The following NEBL variants were observed in gnomAD, a reference collection of about 807,000 sequenced individuals.
The protein encoded by NEBL is nebulette, also known as LIM and SH3 protein 2.
In NEBL, 122 loss-of-function variants were observed where a neutral mutation model predicts 140.2. The ratio of observed to expected loss-of-function variants is 0.87; its 90% CI spans 0.75 to 1.01. NEBL has a LOEUF of 1.01. Ranked by LOEUF, NEBL falls within the 50% of genes least tolerant of loss-of-function variation. NEBL has a pLI of 0.00. For synonymous variants in NEBL, 436 were observed against 398.9 expected, an observed-to-expected ratio of 1.09 and a Z score of -1.11; for missense variants, 1,365 against 1,231.3, an observed-to-expected ratio of 1.11 and a Z score of -1.62.
chr10:20,851,813 T>C (rs1842565394), intron 10 of NEBL, among the ~76,000 whole-genome samples: 1 of 152,064 alleles, frequency 6.6e-6, no homozygotes. Context: ...ATAAATGAAA[T>C]GAAAATAAGT....
chr10:20,889,501 T>C (rs186719274), intron 3 of NEBL, among the ~76,000 whole-genome samples: 101 of 152,314 alleles, frequency 6.6e-4, no homozygotes, highest in African/African-American at 2.3e-3. Flanking sequence ...CTGATATATC[T>C]ATTAGGAAAC....
At chr10:21,102,153 CTG>C (rs1837508195) in intron 2 of NEBL, among the ~76,000 whole-genome samples, 1 of 152,236 alleles carries the variant, frequency 6.6e-6, no homozygotes, top group African/African-American at 2.4e-5. Flanking sequence ...TCTACCACAA[CTG>C]TTAATAAGCT....
chr10:21,033,726 C>T (rs560548345), intron 2 of NEBL, among the ~76,000 whole-genome samples: 4 of 133,606 alleles, frequency 3.0e-5, no homozygotes, highest in Non-Finnish European at 6.2e-5. Context: ...GCAACAAGAG[C>T]GAGACTTTGT....
intron 3 of NEBL, among the ~76,000 whole-genome samples, chr10:21,184,845 T>A (rs138903046): frequency 5.2e-4 from 80 of 152,388 alleles, no homozygotes; most frequent in Non-Finnish European, 9.8e-4. Context: ...TATAACTGAA[T>A]GTGTATAGAA....
At chr10:21,151,055 G>A (rs981120755) in intron 2 of NEBL, among the ~76,000 whole-genome samples, 3 of 152,170 alleles carry the variant, frequency 2.0e-5, no homozygotes, top group African/African-American at 4.8e-5. Flanking sequence ...AGGCAGAGAC[G>A]GGAAGGATGA....
chr10:20,862,699 G>C (rs1010152166), intron 7 of NEBL, among the ~76,000 whole-genome samples: 5 of 152,112 alleles, frequency 3.3e-5, no homozygotes, highest in African/African-American at 1.2e-4. Flanking sequence ...AAGATCATTT[G>C]AGAAAGGGAG....
chr10:20,994,901 G>T (rs1837607223), intron 3 of NEBL, among the ~76,000 whole-genome samples: 1 of 152,116 alleles, frequency 6.6e-6, no homozygotes, highest in African/African-American at 2.4e-5. Context: ...GGTTGGTCTT[G>T]CTGTCTCAGG....
chr10:21,255,710 A>C (rs1842649387), intron 1 of NEBL, among the ~76,000 whole-genome samples: 1 of 152,150 alleles, frequency 6.6e-6, no homozygotes, highest in Non-Finnish European at 1.5e-5. Context: ...AAAAGGATTC[A>C]TCTCCGGCTG....
chr10:20,819,253 T>C, intron 20 of NEBL, 171 bp downstream of exon 20: 1 of 1,145,416 alleles, frequency 8.7e-7, no homozygotes, highest in Non-Finnish European at 1.2e-6. Context: ...GTGTCTGTTA[T>C]TCCCCTCTAT....
At chr10:20,995,524 C>T (rs761925516) in intron 3 of NEBL, among the ~76,000 whole-genome samples, 2 of 152,126 alleles carry the variant, frequency 1.3e-5, no homozygotes, top group Non-Finnish European at 2.9e-5. Flanking sequence ...TGCAGCAGCA[C>T]CGCACGCTGA....
At chr10:20,955,313 G>A (rs1466259850) in intron 4 of NEBL, among the ~76,000 whole-genome samples, 1 of 152,252 alleles carries the variant, frequency 6.6e-6, no homozygotes, top group Non-Finnish European at 1.5e-5. Flanking sequence ...AGAATATGAT[G>A]TGTGAAATGA....
At chr10:21,119,464 A>G (rs566588360) in intron 2 of NEBL, among the ~76,000 whole-genome samples, 84 of 148,830 alleles carry the variant, frequency 5.6e-4, no homozygotes, top group Non-Finnish European at 9.9e-4. Context: ...TATACTGAAT[A>G]TAACATATAT....
intron 26 of NEBL, among the ~76,000 whole-genome samples, chr10:20,805,110 G>A (rs1588642157): frequency 6.6e-6 from 1 of 152,142 alleles, no homozygotes; most frequent in South Asian, 2.1e-4. Flanking sequence ...CTAGACATGG[G>A]GTATGAGTGA....
intron 2 of NEBL, among the ~76,000 whole-genome samples, chr10:21,114,288 AC>A (rs1838178959): frequency 6.6e-6 from 1 of 152,072 alleles, no homozygotes; most frequent in African/African-American, 2.4e-5. Flanking sequence ...CAGAAAACAT[AC>A]CCTGAATGAC....
chr10:21,022,840 C>A (rs544639984), intron 2 of NEBL, among the ~76,000 whole-genome samples: 16 of 152,314 alleles, frequency 1.1e-4, no homozygotes, highest in South Asian at 6.2e-4. Flanking sequence ...GCCTCATCTT[C>A]TCTAGATAGT....
chr10:21,244,225 G>A (rs1196940562), intron 3 of NEBL, among the ~76,000 whole-genome samples: 1 of 151,894 alleles, frequency 6.6e-6, no homozygotes, highest in East Asian at 2.0e-4. Flanking sequence ...GCGCAGTGTG[G>A]CCCGATCTTG....
chr10:20,838,022 G>A (rs1158651380), intron 13 of NEBL, among the ~76,000 whole-genome samples: 1 of 152,098 alleles, frequency 6.6e-6, no homozygotes, highest in Non-Finnish European at 1.5e-5. Flanking sequence ...AATGTATAAG[G>A]ATATTCATGT....
intron 2 of NEBL, among the ~76,000 whole-genome samples, chr10:21,059,166 T>C (rs929068892): frequency 1.3e-5 from 2 of 152,216 alleles, no homozygotes; most frequent in African/African-American, 4.8e-5. Context: ...CCTCACTTGT[T>C]CAGCCTAAGC....
chr10:20,948,550 G>A (rs1352582807), intron 4 of NEBL, among the ~76,000 whole-genome samples: 1 of 152,176 alleles, frequency 6.6e-6, no homozygotes, highest in East Asian at 1.9e-4. Flanking sequence ...TTACAATAAA[G>A]GCACAGGGGT....
Sources: gnomAD v4.1 joint callset for allele counts (sites outside exome capture counted in the v4.1 genomes callset) on GRCh38, gnomAD v4.1.1 for gene constraint, MANE v1.5 for transcripts, NCBI Gene and HGNC (gene_info 2026-07-23, HGNC 2026-07-21) for gene names.